AGFG1: variants seen among roughly 807,000 people sequenced by gnomAD.
The protein encoded by AGFG1 is ArfGAP with FG repeats 1.
AGFG1 carries 10 observed loss-of-function variants against 60.6 expected under a neutral mutation model. The observed-to-expected ratio is 0.16, with a 90% confidence interval of 0.10 to 0.28. AGFG1 has a LOEUF of 0.28. Ranked by LOEUF, AGFG1 falls within the 10% of genes least tolerant of loss-of-function variation. The pLI is 1.00. For missense variants in AGFG1, 537 were observed against 676.5 expected, an observed-to-expected ratio of 0.79 and a Z score of 2.29; for synonymous variants, 247 against 242.9, an observed-to-expected ratio of 1.02 and a Z score of -0.16.
chr2:227,506,872 C>G (rs1286973262), intron 2 of AGFG1, among the ~76,000 whole-genome samples: 1 of 152,170 alleles, frequency 6.6e-6, no homozygotes, highest in African/African-American at 2.4e-5. Flanking sequence ...CACGTAGTGT[C>G]AACGTTCCTC....
At chr2:227,528,756 C>CCATAACTTGTCTA (rs1692069308) in intron 5 of AGFG1, among the ~76,000 whole-genome samples, 1 of 152,156 alleles carries the variant, frequency 6.6e-6, no homozygotes, top group South Asian at 2.1e-4. Context: ...AATGGTTAGA[C>CCATAACTTGTCTA]AAGTCACTGC....
At position 227,552,409 on chromosome 2, in the gene AGFG1, A is replaced by G. The variant is rs1315299241; in HGVS notation, c.1537+292A>G. On this transcript the variant is annotated intron_variant, in intron 11 of 12. Transcript: ENST00000310078. ...TGATTATTTCGTCTTACATGTTCTAATATACCTCTTGATTTTAAAAGGAGA... is the reference window on the plus strand; with the variant it reads ...TGATTATTTCGTCTTACATGTTCTAGTATACCTCTTGATTTTAAAAGGAGA... 3.3e-5 allele frequency among the ~76,000 whole-genome samples: 5 copies of G among 152,130 alleles called. No homozygotes were observed. In the East Asian group the frequency reaches 9.6e-4, roughly 29 times the overall value.
chr2:227,531,340 A>G, intron 6 of AGFG1, 130 bp downstream of exon 6: 1 of 1,083,752 alleles, frequency 9.2e-7, no homozygotes, highest in Non-Finnish European at 1.3e-6. Context: ...TATCTTCAAA[A>G]GCTCTGGGGA....
Position 227,558,330 on chromosome 2 carries a change from T to TA in AGFG1, c.*3842dup, listed in dbSNP as rs1415543047. 3 of 152,174 alleles carry TA rather than the reference T, an allele frequency of 2.0e-5. No homozygotes were observed. The highest frequency in any genetic ancestry group is 2.9e-5 in the Non-Finnish European group (2 of 67,988). The allele number at this position is 152,174 out of a possible 1,614,324, so 9.4% of individuals were successfully genotyped here. On this transcript the variant is annotated 3_prime_UTR_variant, in exon 13 of 13. Coordinates refer to ENST00000310078, the MANE Select transcript of AGFG1 (RefSeq NM_004504.5). ...AGTTAACGTTCTTGTCTTGTATATCTAAAAAAACTTTAATCACTTGAATTC... is the reference window on the plus strand; with the variant it reads ...AGTTAACGTTCTTGTCTTGTATATCTAAAAAAAACTTTAATCACTTGAATTC...
chr2:227,487,295 G>A (rs559852189), intron 1 of AGFG1, among the ~76,000 whole-genome samples: 56 of 151,840 alleles, frequency 3.7e-4, no homozygotes, highest in African/African-American at 1.3e-3. Context: ...AGAAAACTTG[G>A]AGAGAATAGA....
chr2:227,523,478 A>C (rs1691884363), intron 3 of AGFG1, among the ~76,000 whole-genome samples: 1 of 152,146 alleles, frequency 6.6e-6, no homozygotes, highest in South Asian at 2.1e-4. Context: ...AAAAGCAGTT[A>C]TTTCTTATAT....
intron 5 of AGFG1, among the ~76,000 whole-genome samples, chr2:227,525,265 C>CA (rs1255240735): frequency 6.6e-6 from 1 of 152,190 alleles, no homozygotes; most frequent in African/African-American, 2.4e-5. Flanking sequence ...TCATTCCAGT[C>CA]ACTGTCATAT....
chr2:227,484,688 G>GTTTTTTTTTTTTTTTTTTTTTTTTTTT (rs745570416), intron 1 of AGFG1, among the ~76,000 whole-genome samples: 2 of 25,120 alleles, frequency 8.0e-5, no homozygotes, highest in African/African-American at 2.2e-4. Context: ...TTTTTTTTTT[G>GTTTTTTTTTTTTTTTTTTTTTTTTTTT]TTTTTTTTTT....
intron 7 of AGFG1, 57 bp from the exon 8 acceptor site, chr2:227,534,788 A>T (rs1478130412): frequency 1.6e-5 from 26 of 1,580,882 alleles, no homozygotes; most frequent in Non-Finnish European, 2.2e-5. Context: ...AATGTGGTTG[A>T]TAAGTTGAAA....
intron 10 of AGFG1, 122 bp downstream of exon 10, chr2:227,537,115 A>C (rs1346617112): frequency 2.6e-6 from 2 of 759,726 alleles, no homozygotes; most frequent in Non-Finnish European, 4.3e-6. Flanking sequence ...AATGGATAGA[A>C]GAGTTTGTCC....
intron 1 of AGFG1, among the ~76,000 whole-genome samples, chr2:227,488,746 G>A (rs1284685788): frequency 6.6e-6 from 1 of 152,160 alleles, no homozygotes; most frequent in Non-Finnish European, 1.5e-5. Context: ...CTGATGAGTT[G>A]GAAACAAAGT....
chr2:227,506,113 A>G (rs1407917917), intron 2 of AGFG1, among the ~76,000 whole-genome samples: 2 of 152,194 alleles, frequency 1.3e-5, no homozygotes, highest in Non-Finnish European at 2.9e-5. Flanking sequence ...AATCTTTATC[A>G]TTGCAGAATC....
intron 10 of AGFG1, among the ~76,000 whole-genome samples, chr2:227,544,146 CTTTTTTTTTTTTTTT>C (rs71039605): frequency 1.3e-5 from 1 of 75,756 alleles, no homozygotes; most frequent in South Asian, 6.4e-4. Flanking sequence ...CATTCTGTGT[CTTTTTTTTTTTTTTT>C]TTTTTTTTTT....
rs755249712 is a variant in AGFG1, at chr2:227,533,571, T to C, written c.837T>C (p.Asn279=). 1.2e-6 allele frequency: 2 copies of C among 1,613,732 alleles called. No individual in the cohort carries two copies. Among genetic ancestry groups the C allele is most frequent in the Non-Finnish European group, 1.7e-6 (2 of 1,179,738 alleles). ...CAGGTGGAAGTGCTGCATCAGTAAA[T>C]GCTAATTTTGCTCATTTTGATAACT... ...QTTGGSAASV[N]ANFAHFDNFP... is the part of the protein sequence containing the mutation. Residue 279 remains asparagine, a synonymous_variant, in exon 7 of 13, where the codon AAT becomes AAC. Transcript: ENST00000310078.
chr2:227,502,078 C>G (rs1691174281), intron 2 of AGFG1, among the ~76,000 whole-genome samples: 1 of 151,992 alleles, frequency 6.6e-6, no homozygotes, highest in African/African-American at 2.4e-5. Context: ...AAGTTGGTCT[C>G]AAACTCCTGA....
intron 1 of AGFG1, among the ~76,000 whole-genome samples, chr2:227,475,010 A>G (rs1415227531): frequency 1.3e-5 from 2 of 152,200 alleles, no homozygotes; most frequent in Non-Finnish European, 2.9e-5. Context: ...TGCCCTATAG[A>G]TGAGAAGCAT....
chr2:227,476,864 G>C (rs1358195494), intron 1 of AGFG1, among the ~76,000 whole-genome samples: 1 of 150,558 alleles, frequency 6.6e-6, no homozygotes, highest in Non-Finnish European at 1.5e-5. Flanking sequence ...TAAGTATTTA[G>C]AGTAAGTGGC....
chr2:227,533,489 C>A, intron 6 of AGFG1, 60 bp from the exon 7 acceptor site: 2 of 1,388,392 alleles, frequency 1.4e-6, no homozygotes, highest in South Asian at 1.2e-5. Context: ...ATCATACAGT[C>A]TATGAGAGGG....
chr2:227,521,351 G>A (rs185769445), intron 3 of AGFG1, among the ~76,000 whole-genome samples: 1 of 152,324 alleles, frequency 6.6e-6, no homozygotes, highest in East Asian at 1.9e-4. Context: ...ACAGTTGTGA[G>A]CCACTGTGCC....
Sources: gnomAD v4.1 joint callset for allele counts (sites outside exome capture counted in the v4.1 genomes callset) on GRCh38, gnomAD v4.1.1 for gene constraint, MANE v1.5 for transcripts, NCBI Gene and HGNC (gene_info 2026-07-23, HGNC 2026-07-21) for gene names.